TCF4: variants seen among roughly 807,000 people sequenced by gnomAD.
TCF4 encodes SL3-3 enhancer factor 2.
In TCF4, 3 loss-of-function variants were observed where a neutral mutation model predicts 82.1. That is an observed-to-expected ratio of 0.04 (90% CI 0.02 to 0.09). The LOEUF is 0.09. Among genes scored for constraint, TCF4 ranks in the 10% least tolerant of loss-of-function variants. The pLI is 1.00. For synonymous variants in TCF4, 276 were observed against 309.6 expected, an observed-to-expected ratio of 0.89 and a Z score of 1.14; for missense variants, 518 against 852.7, an observed-to-expected ratio of 0.61 and a Z score of 4.89.
At chr18:55,502,840 C>T (rs2096715202) in intron 3 of TCF4, among the ~76,000 whole-genome samples, 2 of 152,088 alleles carry the variant, frequency 1.3e-5, no homozygotes, top group South Asian at 4.1e-4. Flanking sequence ...AATTTCACAG[C>T]ATAAGAGGTT....
At chr18:55,268,397 T>C (rs1368477186) in intron 11 of TCF4, 1 of 152,168 alleles carries the variant, frequency 6.6e-6, no homozygotes, top group Admixed American at 6.6e-5. Context: ...CTTTCTTTCT[T>C]CTTGTTTTTC....
intron 3 of TCF4, among the ~76,000 whole-genome samples, chr18:55,521,407 G>A (rs1375532402): frequency 6.6e-6 from 1 of 152,162 alleles, no homozygotes; most frequent in Non-Finnish European, 1.5e-5. Context: ...CAATAGAGAT[G>A]TCAATAAGCC....
chr18:55,606,466 T>C (rs1049623075), intron 2 of TCF4, among the ~76,000 whole-genome samples: 3 of 152,210 alleles, frequency 2.0e-5, no homozygotes, highest in African/African-American at 7.2e-5. Flanking sequence ...AGCTATCTAC[T>C]TTCTTTCAAA....
intron 4 of TCF4, among the ~76,000 whole-genome samples, chr18:55,463,416 C>CTTCCTATTACA (rs911357500): frequency 6.6e-6 from 1 of 152,160 alleles, no homozygotes; most frequent in African/African-American, 2.4e-5. Context: ...ATTCCATGGT[C>CTTCCTATTACA]TTCCTATTAC....
intron 15 of TCF4, among the ~76,000 whole-genome samples, chr18:55,247,682 A>G (rs1390171376): frequency 6.6e-6 from 1 of 152,316 alleles, no homozygotes; most frequent in South Asian, 2.1e-4. Flanking sequence ...TAAACTAGGG[A>G]GAATGCACTG....
intron 3 of TCF4, among the ~76,000 whole-genome samples, chr18:55,531,562 C>G (rs1347284800): frequency 6.6e-6 from 1 of 152,164 alleles, no homozygotes; most frequent in Non-Finnish European, 1.5e-5. Context: ...AATTTTGCTA[C>G]TACTATGGCT....
intron 3 of TCF4, among the ~76,000 whole-genome samples, chr18:55,582,558 C>T (rs2147799982): frequency 6.6e-6 from 1 of 152,200 alleles, no homozygotes; most frequent in Non-Finnish European, 1.5e-5. Flanking sequence ...TTCCATTCTC[C>T]CTAGCAGCCT....
chr18:55,535,357 C>T (rs1222795194), intron 3 of TCF4, among the ~76,000 whole-genome samples: 1 of 152,158 alleles, frequency 6.6e-6, no homozygotes, highest in East Asian at 1.9e-4. Flanking sequence ...AGAATTCAAA[C>T]TCTGCACTAA....
chr18:55,501,650 C>T (rs1294774364), intron 3 of TCF4, among the ~76,000 whole-genome samples: 1 of 151,412 alleles, frequency 6.6e-6, no homozygotes, highest in Non-Finnish European at 1.5e-5. Context: ...GTGAAATAAA[C>T]TGAGGAAACA....
chr18:55,592,475 A>G (rs1269491453), upstream of TCF4, among the ~76,000 whole-genome samples: 1 of 152,178 alleles, frequency 6.6e-6, no homozygotes, highest in East Asian at 1.9e-4. Context: ...TAATGCCATC[A>G]TGGAGGCTCC....
At chr18:55,292,899 A>G (rs543272872) in intron 8 of TCF4, among the ~76,000 whole-genome samples, 4 of 152,258 alleles carry the variant, frequency 2.6e-5, no homozygotes, top group Non-Finnish European at 4.4e-5. Context: ...ATGTGTGTAT[A>G]GCATATATGT....
intron 2 of TCF4, among the ~76,000 whole-genome samples, chr18:55,621,215 A>G (rs750618928): frequency 6.6e-6 from 1 of 151,302 alleles, no homozygotes; most frequent in Non-Finnish European, 1.5e-5. Context: ...GGGGATAATT[A>G]TAGCAACTCC....
At chr18:55,491,608 G>A (rs2096577716) in intron 3 of TCF4, among the ~76,000 whole-genome samples, 1 of 152,122 alleles carries the variant, frequency 6.6e-6, no homozygotes, top group Non-Finnish European at 1.5e-5. Flanking sequence ...GCACTATGGT[G>A]AGGATCAAGT....
intron 11 of TCF4, chr18:55,266,993 G>A (rs569959040): frequency 5.3e-5 from 8 of 152,204 alleles, no homozygotes; most frequent in Middle Eastern, 6.8e-3. Flanking sequence ...CTGAGACGAA[G>A]GGCAGCAGCC....
At chr18:55,432,494 ATC>A (rs2095233475) in intron 5 of TCF4, among the ~76,000 whole-genome samples, 1 of 152,180 alleles carries the variant, frequency 6.6e-6, no homozygotes, top group Admixed American at 6.5e-5. Context: ...TGGCCTTGTT[ATC>A]TCCATCCCAC....
chr18:55,556,168 A>T (rs1207124385), intron 3 of TCF4, among the ~76,000 whole-genome samples: 2 of 152,018 alleles, frequency 1.3e-5, no homozygotes, highest in African/African-American at 4.8e-5. Context: ...TTTTTTTTCA[A>T]ATTCCACATT....
In TCF4 at chr18:55,500,143, T is replaced by C. The variant is rs966413182; in HGVS notation, c.146-36006A>G. On this transcript the variant is annotated intron_variant, in intron 3 of 19. Transcript: ENST00000354452. Reference sequence around the variant, plus strand: ...GCTACAGTGAGCCAAGATTGTGCCATTGCACTCCAGCCTGGGCGACAGAGG... The same window carrying C: ...GCTACAGTGAGCCAAGATTGTGCCACTGCACTCCAGCCTGGGCGACAGAGG... 5.3e-5 allele frequency among the ~76,000 whole-genome samples: 8 copies of C among 152,052 alleles called. 1 individual carries two copies. Among genetic ancestry groups the C allele is most frequent in the Non-Finnish European group, 4.4e-5 (3 of 68,014 alleles).
chr18:55,261,311 T>C, intron 12 of TCF4, 155 bp downstream of exon 12: 2 of 902,730 alleles, frequency 2.2e-6, no homozygotes, highest in Non-Finnish European at 3.7e-6. Context: ...CAGAGCCTTC[T>C]CAAATTTTCC....
chr18:55,355,503 C>G (rs2083295039), intron 6 of TCF4, among the ~76,000 whole-genome samples: 1 of 152,120 alleles, frequency 6.6e-6, no homozygotes, highest in Non-Finnish European at 1.5e-5. Context: ...GATAATTTTG[C>G]TGCTGTTGGC....
Sources: gnomAD v4.1 joint callset for allele counts (sites outside exome capture counted in the v4.1 genomes callset) on GRCh38, gnomAD v4.1.1 for gene constraint, MANE v1.5 for transcripts, NCBI Gene and HGNC (gene_info 2026-07-23, HGNC 2026-07-21) for gene names.